Variants in SLC4A2 observed in about 807,000 individuals in gnomAD.
SLC4A2 encodes anion exchange protein 2.
A neutral mutation model predicts 115.0 loss-of-function variants in SLC4A2; 36 were observed. That is an observed-to-expected ratio of 0.31 (90% confidence interval 0.24 to 0.41). The LOEUF is 0.41. SLC4A2 is among the 10% of genes least tolerant of loss of function. SLC4A2 has a pLI of 1.00. For missense variants in SLC4A2, 1,252 were observed against 1,705.6 expected (o/e 0.73, Z 4.68); for synonymous variants, 708 against 708.3 (o/e 1.00, Z 0.01).
In SLC4A2 at chr7:151,074,073, C is replaced by G. The variant is rs752687706; in HGVS notation, c.2570C>G (p.Ala857Gly). Residue 857 changes from alanine (A) to glycine (G), a missense_variant, in exon 17 of 23, where the codon GCC (alanine) becomes GGC (glycine). By Grantham distance (60) the Ala-to-Gly change is moderately conservative. This residue lies in a region of SLC4A2 where 118 missense variants were observed against 203.3 expected (regional missense o/e 0.58). Transcript: ENST00000413384. The stretch of plus-strand genomic sequence containing the variant: ...GAGCACCCCCTGCATGGCTGCTCAG[C>G]CTCCAACAGCTCAGAGGTGGACGGC... ...FQEHPLHGCS[A>G]SNSSEVDGGE... The G allele has an allele frequency of 2.5e-5, 40 of 1,600,106 alleles. No individual in the cohort carries two copies. Among genetic ancestry groups the G allele is most frequent in the Middle Eastern group, 2.0e-4 (1 of 4,946 alleles).
chr7:151,075,400 G>A lies in SLC4A2; in HGVS notation c.3193G>A (p.Ala1065Thr), dbSNP rs143100436. 26 of 1,609,802 alleles carry A rather than the reference G, an allele frequency of 1.6e-5. No individual in the cohort carries two copies. Among genetic ancestry groups the A allele is most frequent in the African/African-American group, 1.6e-4 (12 of 75,056 alleles). The stretch of plus-strand genomic sequence containing the variant: ...TGCCACTGTCCGCTCTGTCACTCAC[G>A]CCAACGCGCTCACTGTCATGAGCAA... ...AAATVRSVTH[A>T]NALTVMSKAV... The change falls in exon 20 of 23, where the codon GCC becomes ACC. Residue 1065 changes from alanine (A) to threonine (T), a missense_variant. By Grantham distance (58) the Ala-to-Thr change is moderately conservative. Coordinates refer to ENST00000413384, the MANE Select transcript of SLC4A2 (RefSeq NM_003040.4).
intron 2 of SLC4A2, 91 bp downstream of exon 2, chr7:151,062,129 G>A (rs980176871): frequency 2.2e-6 from 2 of 895,060 alleles, no homozygotes; most frequent in African/African-American, 3.8e-5. Flanking sequence ...CCAGGGGTGT[G>A]AGCGTGTGTG....
intron 2 of SLC4A2, chr7:151,063,040 C>T: frequency 6.8e-7 from 1 of 1,477,896 alleles, no homozygotes; most frequent in Non-Finnish European, 8.9e-7. Context: ...TTTGGCGGCG[C>T]CTGGAGCTGA....
At position 151,070,459 on chromosome 7, in the gene SLC4A2, T is replaced by G; in HGVS notation, c.1452T>G (p.Arg484=). 6.2e-7 allele frequency: 1 copy of G among 1,612,110 alleles called. No individual in the cohort carries two copies. Among genetic ancestry groups the G allele is most frequent in the Non-Finnish European group, 8.5e-7 (1 of 1,179,310 alleles). Residue 484 remains arginine, a splice_region_variant and synonymous_variant, in exon 11 of 23, where the codon CGT becomes CGG. Coordinates refer to ENST00000413384, the MANE Select transcript of SLC4A2 (RefSeq NM_003040.4). ...PETRLEVERE[R]ELPPPAPPAG... ...TGAGCCCTGTCTGTGTCCCCCAGCG[T>G]GAGCTGCCGCCTCCAGCACCACCAG...
chr7:151,062,179 C>T (rs1328978229), intron 2 of SLC4A2, 141 bp downstream of exon 2: 6 of 722,028 alleles, frequency 8.3e-6, no homozygotes, highest in Non-Finnish European at 1.4e-5. Context: ...CCTACCCTGA[C>T]TTTGCATGAT....
In SLC4A2 at chr7:151,071,297, G is replaced by A. The variant is rs993429158; in HGVS notation, c.1975G>A (p.Ala659Thr). ...GLEPKSAQDK[A>T]LLQMVEAAGA... Reference sequence around the variant, plus strand: ...GGAGCCCAAATCTGCCCAAGATAAGGGTACGGCCAGGGCGGGCTGGGGCCA... The same window carrying A: ...GGAGCCCAAATCTGCCCAAGATAAGAGTACGGCCAGGGCGGGCTGGGGCCA... Residue 659 changes from alanine to threonine, a missense_variant and splice_region_variant, in exon 13 of 23, where the codon GCG (alanine) becomes ACG (threonine). Physicochemically the swap from Ala to Thr is moderately conservative, Grantham distance 58 (BLOSUM62 0). Transcript: ENST00000413384. The surrounding 1 kb of genome is among the most constrained non-coding windows in gnomAD (Gnocchi z 5.5). 13 of 1,550,360 alleles carry A rather than the reference G, an allele frequency of 8.4e-6. No homozygotes were observed. The highest frequency in any genetic ancestry group is 2.7e-5 in the African/African-American group (2 of 73,286).
At chr7:151,074,549 C>T (rs1797551035) in intron 18 of SLC4A2, 61 bp downstream of exon 18, 1 of 1,595,680 alleles carries the variant, frequency 6.3e-7, no homozygotes, top group Non-Finnish European at 8.6e-7. Flanking sequence ...TCTAGGTGTT[C>T]CCCTCCAGCC....
In SLC4A2 at chr7:151,064,944, G is replaced by A. The variant is rs1797182637; in HGVS notation, c.556G>A (p.Ala186Thr). 1 of 1,613,368 alleles carries A rather than the reference G, an allele frequency of 6.2e-7. No homozygotes were observed. Among genetic ancestry groups the A allele is most frequent in the Non-Finnish European group, 8.5e-7 (1 of 1,179,546 alleles). ...GCCCCACCAGGAGGCGACTCCTCGG[G>A]CCTCCAAAGGGGCCCAGGCTGGGTA... ...PLPHQEATPR[A>T]SKGAQAGTQV... The change falls in exon 5 of 23, where the codon GCC becomes ACC. Residue 186 changes from alanine to threonine, a missense_variant. Physicochemically the swap from Ala to Thr is moderately conservative, Grantham distance 58 (BLOSUM62 0). Coordinates refer to ENST00000413384, the MANE Select transcript of SLC4A2 (RefSeq NM_003040.4).
Position 151,071,335 on chromosome 7 carries a change from G to A in SLC4A2, c.1975+38G>A, listed in dbSNP as rs1268146197. Reference sequence around the variant, plus strand: ...CGGGCTGGGGCCAGGGCTGCCTCGAGGGGGTGAGGTGGGCAAGAGGGGCTG... The same window carrying A: ...CGGGCTGGGGCCAGGGCTGCCTCGAAGGGGTGAGGTGGGCAAGAGGGGCTG... On this transcript the variant is annotated intron_variant, in intron 13 of 22. Coordinates refer to ENST00000413384, the MANE Select transcript of SLC4A2 (RefSeq NM_003040.4). The surrounding 1 kb of genome is among the most constrained non-coding windows in gnomAD (Gnocchi z 5.5). 2.6e-6 allele frequency: 4 copies of A among 1,545,514 alleles called. No homozygotes were observed.
Position 151,064,633 on chromosome 7 carries a change from C to T in SLC4A2, c.325C>T (p.Arg109Cys), listed in dbSNP as rs376128987. 3.2e-5 allele frequency: 52 copies of T among 1,613,512 alleles called. No individual in the cohort carries two copies. The highest frequency in any genetic ancestry group is 4.0e-5 in the Non-Finnish European group (47 of 1,179,850). ...PQGPGRKPRR[R>C]PGASPTGETP... ...GGGCCCAGGACGGAAGCCTCGAAGG[C>T]GCCCGGGAGCCTCCCCGACTGGAGA... is the stretch of plus-strand genomic sequence containing the variant. The change falls in exon 4 of 23, where the codon CGC becomes TGC. Residue 109 changes from arginine to cysteine, a missense_variant. By Grantham distance (180) the Arg-to-Cys change is radical (BLOSUM62 -3). Transcript: ENST00000413384.
At chr7:151,073,070 T>C (rs1797495026) in intron 16 of SLC4A2, among the ~76,000 whole-genome samples, 1 of 152,190 alleles carries the variant, frequency 6.6e-6, no homozygotes, top group African/African-American at 2.4e-5. Flanking sequence ...TCCTTCTGCC[T>C]CAGCCACCCT....
At chr7:151,073,583 T>A (rs900518467) in intron 16 of SLC4A2, among the ~76,000 whole-genome samples, 3 of 152,336 alleles carry the variant, frequency 2.0e-5, no homozygotes, top group Admixed American at 6.5e-5. Flanking sequence ...TTTTTATTTT[T>A]AAAAAATACA....
intron 18 of SLC4A2, 86 bp from the exon 19 acceptor site, chr7:151,074,589 C>G: frequency 6.3e-7 from 1 of 1,575,798 alleles, no homozygotes; most frequent in East Asian, 2.2e-5. Context: ...TAAGCTTAAG[C>G]CTGTCCTTAA....
In SLC4A2 at chr7:151,064,937, T is replaced by C; in HGVS notation, c.549T>C (p.Thr183=). The C allele has an allele frequency of 6.2e-7, 1 of 1,613,588 alleles. No individual in the cohort carries two copies. Among genetic ancestry groups the C allele is most frequent in the Non-Finnish European group, 8.5e-7 (1 of 1,179,764 alleles). The part of the protein sequence containing the change: ...SPAPLPHQEA[T]PRASKGAQAG... ...CACCACTGCCCCACCAGGAGGCGACTCCTCGGGCCTCCAAAGGGGCCCAGG... is the reference window on the plus strand; with the variant it reads ...CACCACTGCCCCACCAGGAGGCGACCCCTCGGGCCTCCAAAGGGGCCCAGG... Residue 183 remains threonine, a synonymous_variant, in exon 5 of 23, where the codon ACT becomes ACC. Coordinates refer to ENST00000413384, the MANE Select transcript of SLC4A2 (RefSeq NM_003040.4).
chr7:151,070,612 G>A (rs369782758), intron 11 of SLC4A2, 41 bp downstream of exon 11: 1 of 1,603,808 alleles, frequency 6.2e-7, no homozygotes, highest in African/African-American at 1.3e-5. Context: ...TGGTGGCCAG[G>A]CCTTGAGGCA....
In SLC4A2 at chr7:151,060,834, C is replaced by T. The variant is rs1797020286; in HGVS notation, c.-64+1072C>T. On this transcript the variant is annotated intron_variant, in intron 1 of 22. Transcript: ENST00000413384. This position sits in a 1 kb window ranked among gnomAD's most constrained non-coding sequence, Gnocchi z 5.9. ...CAGGCTCCCCATCCTGGGTGACCCC[C>T]CCAGACCTATATTGTTTGACGCTAC... 6.6e-6 allele frequency among the ~76,000 whole-genome samples: 1 copy of T among 152,270 alleles called. No homozygotes were observed. Among genetic ancestry groups the T allele is most frequent in the East Asian group, 1.9e-4 (1 of 5,180 alleles).
Position 151,071,310 on chromosome 7 carries a change from C to CGGGCTG in SLC4A2, c.1975+18_1975+23dup, listed in dbSNP as rs1425027510. The CGGGCTG allele has an allele frequency of 1.0e-5, 16 of 1,545,010 alleles. No homozygotes were observed. The highest frequency in any genetic ancestry group is 1.4e-5 in the Non-Finnish European group (16 of 1,147,184). Reference sequence around the variant, plus strand: ...GCCCAAGATAAGGGTACGGCCAGGGCGGGCTGGGGCCAGGGCTGCCTCGAG... The same window carrying CGGGCTG: ...GCCCAAGATAAGGGTACGGCCAGGGCGGGCTGGGGCTGGGGCCAGGGCTGCCTCGAG... On this transcript the variant is annotated intron_variant, in intron 13 of 22. Transcript: ENST00000413384. The surrounding 1 kb of genome is among the most constrained non-coding windows in gnomAD (Gnocchi z 5.5).
upstream of SLC4A2, among the ~76,000 whole-genome samples, chr7:151,059,363 G>T (rs912165530): frequency 1.3e-5 from 2 of 152,150 alleles, no homozygotes; most frequent in Non-Finnish European, 2.9e-5. This position sits in a 1 kb window ranked among gnomAD's most constrained non-coding sequence, Gnocchi z 5.8. Context: ...TGCTGCCTGG[G>T]ATCCCTAGCG....
Position 151,076,131 on chromosome 7 carries a change from TGCCGCTCC to T in SLC4A2, c.3593_3600del (p.Pro1198HisfsTer19). Reference sequence around the variant, plus strand: ...TTCCCCTTCATCCTCATCCTCACAGTGCCGCTCCGCATGGTGGTGCTCACCCGTATCTT... The same window carrying T: ...TTCCCCTTCATCCTCATCCTCACAGTGCATGGTGGTGCTCACCCGTATCTT... On this transcript the variant is annotated frameshift_variant, in exon 22 of 23. Transcript: ENST00000413384. LOFTEE classifies it high-confidence loss of function. 6.2e-7 allele frequency: 1 copy of T among 1,610,620 alleles called. No individual in the cohort carries two copies. The highest frequency in any genetic ancestry group is 8.5e-7 in the Non-Finnish European group (1 of 1,179,964).
Sources: gnomAD v4.1 joint callset for allele counts (sites outside exome capture counted in the v4.1 genomes callset) on GRCh38, gnomAD v4.1.1 for gene constraint, gnomAD v4.1.1 regional missense constraint, Gnocchi (gnomAD v3.1) non-coding constraint, MANE v1.5 for transcripts, NCBI Gene and HGNC (gene_info 2026-07-23, HGNC 2026-07-21) for gene names.